Variants in STEAP2 observed in about 807,000 individuals in gnomAD.
The protein encoded by STEAP2 is STEAP2 metalloreductase.
Under a neutral mutation model 46.4 loss-of-function variants are expected in STEAP2, and 30 were observed. The observed-to-expected ratio is 0.65, with a 90% confidence interval of 0.48 to 0.88. The LOEUF (loss-of-function observed/expected upper bound fraction) is 0.88. Ranked by LOEUF, STEAP2 falls within the 40% of genes least tolerant of loss-of-function variation. The pLI, the probability that STEAP2 is intolerant of heterozygous loss-of-function variation, is 0.00. For missense variants in STEAP2, 513 were observed against 579.3 expected (o/e 0.89, Z 1.18); for synonymous variants, 180 against 200.5 (o/e 0.90, Z 0.86).
chr7:90,216,983 CA>C (rs1795050247), intron 2 of STEAP2, among the ~76,000 whole-genome samples: 1 of 152,100 alleles, frequency 6.6e-6, no homozygotes, highest in Non-Finnish European at 1.5e-5. Flanking sequence ...CTCCATGTGC[CA>C]AAACAGTGGG....
intron 1 of STEAP2, among the ~76,000 whole-genome samples, chr7:90,213,115 T>G (rs942038464): frequency 1.3e-5 from 2 of 151,928 alleles, no homozygotes; most frequent in African/African-American, 4.8e-5. Flanking sequence ...ACATAAAGAG[T>G]AACTATGTGT....
intron 2 of STEAP2, among the ~76,000 whole-genome samples, chr7:90,222,198 T>G (rs1795281448): frequency 6.6e-6 from 1 of 152,118 alleles, no homozygotes; most frequent in African/African-American, 2.4e-5. Flanking sequence ...TATTGACAGG[T>G]TTTTTTCCTA....
At chr7:90,240,752 T>C (rs954427848), downstream of STEAP2, among the ~76,000 whole-genome samples, 3 of 152,252 alleles carry the variant, frequency 2.0e-5, no homozygotes, top group African/African-American at 7.2e-5. The surrounding 1 kb of genome is among the most constrained non-coding windows in gnomAD (Gnocchi z 4.1). Context: ...CTACAGGTGC[T>C]ACTAAGAAAT....
chr7:90,236,315 G>A lies in STEAP2; in HGVS notation c.*3691G>A. 1.0e-6 allele frequency: 1 copy of A among 977,624 alleles called. No homozygotes were observed. Among genetic ancestry groups the A allele is most frequent in the Non-Finnish European group, 1.2e-6 (1 of 822,920 alleles). 60.6% of individuals were successfully genotyped at this position (977,624 alleles called of 1,614,324 possible). A position where few individuals can be genotyped will look rare whatever the true frequency, so the allele number is the denominator to read the frequency against. The stretch of plus-strand genomic sequence containing the variant: ...TGTGAACACTGAACTAATTATTCCT[G>A]TGTCAGTCTATGAAATCCCTGTTTT... On this transcript the variant is annotated 3_prime_UTR_variant, in exon 6 of 6. Transcript: ENST00000394621.
intron 2 of STEAP2, among the ~76,000 whole-genome samples, chr7:90,217,633 C>G (rs577529966): frequency 6.8e-6 from 1 of 147,290 alleles, no homozygotes; most frequent in Non-Finnish European, 1.5e-5. Context: ...GTATACATAC[C>G]ACATTTTCTT....
Position 90,236,042 on chromosome 7 carries a change from T to C in STEAP2, c.*3418T>C. 2 of 829,574 alleles carry C rather than the reference T, an allele frequency of 2.4e-6. No individual in the cohort carries two copies. The highest frequency in any genetic ancestry group is 5.6e-5 in the South Asian group (1 of 17,938). The allele number at this position is 829,574 out of a possible 1,614,324, so 51.4% of individuals were successfully genotyped here. On this transcript the variant is annotated 3_prime_UTR_variant, in exon 6 of 6. Coordinates refer to ENST00000394621, the MANE Select transcript of STEAP2 (RefSeq NM_001244944.2). Reference sequence around the variant, plus strand: ...AAGGTATATTATACTTTCATTACAATCAAATTATAGAAATTACTTGTGTAA... The same window carrying C: ...AAGGTATATTATACTTTCATTACAACCAAATTATAGAAATTACTTGTGTAA...
intron 2 of STEAP2, among the ~76,000 whole-genome samples, chr7:90,221,583 T>C (rs979803017): frequency 1.3e-5 from 2 of 152,132 alleles, no homozygotes; most frequent in Non-Finnish European, 2.9e-5. Flanking sequence ...CCATATCTTT[T>C]CAGTGGAAAG....
At position 90,232,664 on chromosome 7, in the gene STEAP2, C is replaced by T. The variant is rs980875439; in HGVS notation, c.*40C>T. On this transcript the variant is annotated 3_prime_UTR_variant, in exon 6 of 6. Coordinates refer to ENST00000394621, the MANE Select transcript of STEAP2 (RefSeq NM_001244944.2). ...CACAGCTGCCATATAAAGTTCTACT[C>T]ATGCCATTATTTTTATGACTTCTAC... The T allele has an allele frequency of 2.0e-6, 3 of 1,527,838 alleles. No individual in the cohort carries two copies. Among genetic ancestry groups the T allele is most frequent in the Non-Finnish European group, 2.6e-6 (3 of 1,137,762 alleles). 94.6% of individuals were successfully genotyped at this position (1,527,838 alleles called of 1,614,324 possible).
At chr7:90,216,889 A>G (rs1258245234) in intron 2 of STEAP2, among the ~76,000 whole-genome samples, 1 of 152,224 alleles carries the variant, frequency 6.6e-6, no homozygotes, top group African/African-American at 2.4e-5. Flanking sequence ...AAAACTTGCC[A>G]GGTCATTGGA....
downstream of STEAP2, among the ~76,000 whole-genome samples, chr7:90,242,075 G>A (rs143895409): frequency 5.6e-3 from 830 of 148,140 alleles, 5 homozygotes; most frequent in African/African-American, 0.02. Flanking sequence ...AACAAATACC[G>A]TTAGAGCTAG....
At chr7:90,239,125 T>A (rs1265634040), downstream of STEAP2, among the ~76,000 whole-genome samples, 3 of 152,238 alleles carry the variant, frequency 2.0e-5, no homozygotes, top group Non-Finnish European at 4.4e-5. Flanking sequence ...ATTGAAATCC[T>A]AACTCCCACA....
At position 90,234,100 on chromosome 7, in the gene STEAP2, C is replaced by G; in HGVS notation, c.*1476C>G. 1.0e-6 allele frequency: 1 copy of G among 985,364 alleles called. No homozygotes were observed. Among genetic ancestry groups the G allele is most frequent in the Non-Finnish European group, 1.2e-6 (1 of 829,926 alleles). The allele number at this position is 985,364 out of a possible 1,614,324, so 61.0% of individuals were successfully genotyped here. A position where few individuals can be genotyped will look rare whatever the true frequency, so the allele number is the denominator to read the frequency against. ...TCCTTTTCTCTTCCTGAGAAGTTCT[C>G]CTGCCTGCATAACCATTCATTAGGG... On this transcript the variant is annotated 3_prime_UTR_variant, in exon 6 of 6. Coordinates refer to ENST00000394621, the MANE Select transcript of STEAP2 (RefSeq NM_001244944.2).
At chr7:90,229,498 T>A (rs1445522617) in intron 4 of STEAP2, among the ~76,000 whole-genome samples, 1 of 152,166 alleles carries the variant, frequency 6.6e-6, no homozygotes, top group East Asian at 1.9e-4. Flanking sequence ...TAAACCAGCT[T>A]GTAATAGTAC....
intron 2 of STEAP2, among the ~76,000 whole-genome samples, chr7:90,221,500 G>T (rs1795256943): frequency 6.6e-6 from 1 of 151,998 alleles, no homozygotes; most frequent in South Asian, 2.1e-4. Flanking sequence ...AGTCTTATAT[G>T]TGTTTTTATA....
At chr7:90,221,636 C>T (rs1204100851) in intron 2 of STEAP2, among the ~76,000 whole-genome samples, 1 of 152,054 alleles carries the variant, frequency 6.6e-6, no homozygotes, top group Non-Finnish European at 1.5e-5. Context: ...ATGAAAACTT[C>T]CCAAGTCTAG....
intron 2 of STEAP2, among the ~76,000 whole-genome samples, chr7:90,217,826 C>G (rs560850216): frequency 2.0e-5 from 3 of 151,160 alleles, no homozygotes; most frequent in African/African-American, 7.3e-5. Flanking sequence ...CATTTTTAGT[C>G]TTTTGAGAAA....
Position 90,224,959 on chromosome 7 carries a change from A to G in STEAP2, c.-33-91A>G, listed in dbSNP as rs1036995486. 104 of 1,084,224 alleles carry G rather than the reference A, an allele frequency of 9.6e-5. No homozygotes were observed. In the African/African-American group the frequency reaches 1.5e-3, roughly 16 times the overall value. The allele number at this position is 1,084,224 out of a possible 1,614,324, so 67.2% of individuals were successfully genotyped here. A position where few individuals can be genotyped will look rare whatever the true frequency, so the allele number is the denominator to read the frequency against. On this transcript the variant is annotated intron_variant, in intron 2 of 5. Transcript: ENST00000394621. ...ATGTTAAAGTGTGGTGAAATATTTT[A>G]CCTCTAGAAAGACAGGACATTACAA...
chr7:90,213,190 T>A (rs1387001074), intron 1 of STEAP2, among the ~76,000 whole-genome samples: 2 of 152,054 alleles, frequency 1.3e-5, no homozygotes, highest in African/African-American at 2.4e-5. Flanking sequence ...TATGGGGAAA[T>A]GAGACAATAT....
chr7:90,238,191 A>G (rs758486066), downstream of STEAP2: 29 of 713,836 alleles, frequency 4.1e-5, no homozygotes, highest in Admixed American at 8.0e-5. Flanking sequence ...AGTCCTGTAC[A>G]CTGTGCCACT....
Sources: gnomAD v4.1 joint callset for allele counts (sites outside exome capture counted in the v4.1 genomes callset) on GRCh38, gnomAD v4.1.1 for gene constraint, Gnocchi (gnomAD v3.1) non-coding constraint, MANE v1.5 for transcripts, NCBI Gene and HGNC (gene_info 2026-07-23, HGNC 2026-07-21) for gene names.